Variants in MYH9 observed in about 807,000 individuals in gnomAD.
The protein encoded by MYH9 is myosin heavy chain 9, also known as myosin-9.
MYH9 carries 29 observed loss-of-function variants against 241.9 expected under a neutral mutation model. The observed-to-expected ratio is 0.12, with a 90% CI of 0.09 to 0.16. MYH9 has a LOEUF of 0.16. Among genes scored for constraint, MYH9 ranks in the 10% least tolerant of loss-of-function variants. The pLI is 1.00. For missense variants in MYH9, 1,803 were observed against 2,595.5 expected, an observed-to-expected ratio of 0.69 and a Z score of 6.63; for synonymous variants, 1,047 against 1,062.6, an observed-to-expected ratio of 0.99 and a Z score of 0.29.
rs1401995423 is a variant in MYH9, at chr22:36,300,555, G to A, written c.2839-291C>T. 1.3e-5 allele frequency among the ~76,000 whole-genome samples: 2 copies of A among 152,236 alleles called. No homozygotes were observed. Among genetic ancestry groups the A allele is most frequent in the African/African-American group, 4.8e-5 (2 of 41,464 alleles). On this transcript the variant is annotated intron_variant, in intron 22 of 40. Coordinates refer to ENST00000216181, the MANE Select transcript of MYH9 (RefSeq NM_002473.6). This position sits in a 1 kb window ranked among gnomAD's most constrained non-coding sequence, Gnocchi z 5.0. Reference sequence around the variant, plus strand: ...CAGCAAGCTCCCACCCATGAAACAGGCAGGACGCAGAGGTGCTGGCCCTGT... The same window carrying A: ...CAGCAAGCTCCCACCCATGAAACAGACAGGACGCAGAGGTGCTGGCCCTGT...
rs574839738 is a variant in MYH9, at chr22:36,309,503, T to A, written c.1729-107A>T. On this transcript the variant is annotated intron_variant, in intron 14 of 40. Transcript: ENST00000216181. ...CCATGCATGGAAAAGTCAGAAAACGTGAAGACCCTTTGATCCAGCATTTCC... is the reference window on the plus strand; with the variant it reads ...CCATGCATGGAAAAGTCAGAAAACGAGAAGACCCTTTGATCCAGCATTTCC... 2.8e-4 allele frequency: 228 copies of A among 802,316 alleles called. 2 individuals are homozygous for A. The African/African-American group carries it at 3.6e-3, about 13-fold the overall frequency. The allele number at this position is 802,316 out of a possible 1,614,324, so 49.7% of individuals were successfully genotyped here. A position where few individuals can be genotyped will look rare whatever the true frequency, so the allele number is the denominator to read the frequency against.
intron 3 of MYH9, among the ~76,000 whole-genome samples, chr22:36,336,045 CG>C (rs901509198): frequency 6.6e-6 from 1 of 152,148 alleles, no homozygotes; most frequent in African/African-American, 2.4e-5. Context: ...AACCAGGGAT[CG>C]GGTGGGAAGG....
chr22:36,345,765 A>G (rs1178924832), intron 2 of MYH9, among the ~76,000 whole-genome samples: 1 of 152,252 alleles, frequency 6.6e-6, no homozygotes, highest in Non-Finnish European at 1.5e-5. Context: ...CCCAAGTTCC[A>G]GCCTCAGCCT....
Position 36,282,403 on chromosome 22 carries a change from T to C in MYH9, c.*265A>G, listed in dbSNP as rs1255451426. ...GGCAAGAGAGGGCTGAGGAGCCTGC[T>C]GGTCGCTCTCTGCCTGGGCCCGGGC... On this transcript the variant is annotated 3_prime_UTR_variant, in exon 41 of 41. Coordinates refer to ENST00000216181, the MANE Select transcript of MYH9 (RefSeq NM_002473.6). 1 of 596,258 alleles carries C rather than the reference T, an allele frequency of 1.7e-6. No homozygotes were observed. The highest frequency in any genetic ancestry group is 2.8e-5 in the East Asian group (1 of 35,692). The allele number at this position is 596,258 out of a possible 1,614,324, so 36.9% of individuals were successfully genotyped here.
At chr22:36,287,598 C>T (rs1355218453) in intron 34 of MYH9, among the ~76,000 whole-genome samples, 3 of 152,112 alleles carry the variant, frequency 2.0e-5, no homozygotes, top group African/African-American at 4.8e-5. Flanking sequence ...AAAAATTAGC[C>T]GGGCGTGGCG....
chr22:36,304,148 G>T lies in MYH9; in HGVS notation c.2237C>A (p.Ala746Asp), dbSNP rs1472400866. ...GKQACVLMIK[A>D]LELDSNLYRI... ...GTACAGATTGCTGTCGAGCTCCAGG[G>T]CTTTTATCTAGGTGGGAGGAGCAGG... Residue 746 changes from alanine (A) to aspartate (D), a missense_variant, in exon 19 of 41, where the codon GCC (alanine) becomes GAC (aspartate). This residue lies in a region of MYH9 where 163 missense variants were observed against 349.7 expected (regional missense o/e 0.47). Transcript: ENST00000216181. 6.2e-7 allele frequency: 1 copy of T among 1,613,460 alleles called. No individual in the cohort carries two copies. The highest frequency in any genetic ancestry group is 1.7e-5 in the Admixed American group (1 of 60,024).
At chr22:36,375,955 C>CTTTTTTTTTTTTTTT (rs751350180) in intron 1 of MYH9, among the ~76,000 whole-genome samples, 2 of 89,094 alleles carry the variant, frequency 2.2e-5, no homozygotes, top group Non-Finnish European at 4.2e-5. Context: ...TCAATAATTT[C>CTTTTTTTTTTTTTTT]TTTTTTTTTT....
At chr22:36,348,837 A>AACCCCCCCCCCCCCCCCC in intron 2 of MYH9, 67 bp downstream of exon 2, 1 of 539,144 alleles carries the variant, frequency 1.9e-6, no homozygotes, top group Non-Finnish European at 2.9e-6. Context: ...TGATGGGAAG[A>AACCCCCCCCCCCCCCCCC]CCCGCCCCCC....
intron 13 of MYH9, among the ~76,000 whole-genome samples, chr22:36,312,972 C>T (rs1389221980): frequency 6.6e-6 from 1 of 151,840 alleles, no homozygotes; most frequent in Admixed American, 6.6e-5. Flanking sequence ...AGCCTGTAAT[C>T]CCAGCCACTC....
At chr22:36,289,061 C>T in intron 32 of MYH9, 24 bp downstream of exon 32, 1 of 1,614,038 alleles carries the variant, frequency 6.2e-7, no homozygotes, top group Non-Finnish European at 8.5e-7. Flanking sequence ...TTCCCAAGAC[C>T]TGGCTGCCAG....
chr22:36,374,802 C>T (rs895073057), intron 1 of MYH9, among the ~76,000 whole-genome samples: 14 of 152,316 alleles, frequency 9.2e-5, no homozygotes, highest in African/African-American at 1.7e-4. Flanking sequence ...GGAGAGGAAA[C>T]GTTTCACCAG....
chr22:36,352,399 A>G lies in MYH9; in HGVS notation c.-19-3144T>C, dbSNP rs116087854. The stretch of plus-strand genomic sequence containing the variant: ...GCAGCCCATCAGCAGTGGCAGAATG[A>G]GCTCTGACCGTCCTCAAACGCTGCT... On this transcript the variant is annotated intron_variant, in intron 1 of 40. Coordinates refer to ENST00000216181, the MANE Select transcript of MYH9 (RefSeq NM_002473.6). 6.1e-3 allele frequency among the ~76,000 whole-genome samples: 928 copies of G among 152,234 alleles called. 10 individuals are homozygous for G. Among genetic ancestry groups the G allele is most frequent in the African/African-American group, 0.022 (896 of 41,522 alleles).
At chr22:36,332,985 G>T (rs1276478031) in intron 3 of MYH9, among the ~76,000 whole-genome samples, 2 of 152,162 alleles carry the variant, frequency 1.3e-5, no homozygotes, top group African/African-American at 4.8e-5. Flanking sequence ...GTCCGGTTCC[G>T]CCTTGCTCCT....
chr22:36,303,940 C>T (rs963986266), intron 19 of MYH9, 55 bp downstream of exon 19: 1 of 1,604,794 alleles, frequency 6.2e-7, no homozygotes, highest in African/African-American at 1.3e-5. Context: ...CCTTTGGCAA[C>T]AGAAGGGCGT....
At chr22:36,348,380 G>A (rs948158039) in intron 2 of MYH9, among the ~76,000 whole-genome samples, 7 of 150,854 alleles carry the variant, frequency 4.6e-5, no homozygotes, top group Non-Finnish European at 7.4e-5. Flanking sequence ...ATTATGGCAG[G>A]TGCCTATAAT....
intron 13 of MYH9, 26 bp from the exon 14 acceptor site, chr22:36,312,248 G>A (rs1234193161): frequency 3.1e-6 from 5 of 1,613,124 alleles, no homozygotes; most frequent in Middle Eastern, 1.6e-4. Context: ...CATCAGCACA[G>A]GTGAGTGCAC....
intron 35 of MYH9, 154 bp from the exon 36 acceptor site, chr22:36,286,107 C>T: frequency 1.3e-6 from 1 of 755,610 alleles, no homozygotes; most frequent in Non-Finnish European, 2.3e-6. Flanking sequence ...AGGGCTGGTG[C>T]CCCCCTGAAG....
chr22:36,320,706 T>C lies in MYH9; in HGVS notation c.868+92A>G, dbSNP rs533781350. On this transcript the variant is annotated intron_variant, in intron 8 of 40. Coordinates refer to ENST00000216181, the MANE Select transcript of MYH9 (RefSeq NM_002473.6). This position sits in a 1 kb window ranked among gnomAD's most constrained non-coding sequence, Gnocchi z 4.8. ...TCCCCGTTAAACCCAAGGCCAAAAG[T>C]TTTCATTTCCCAAATGATGTCTACG... is the stretch of plus-strand genomic sequence containing the variant. 1 of 1,162,326 alleles carries C rather than the reference T, an allele frequency of 8.6e-7. No individual in the cohort carries two copies. Among genetic ancestry groups the C allele is most frequent in the East Asian group, 2.4e-5 (1 of 41,002 alleles). The allele number at this position is 1,162,326 out of a possible 1,614,324, so 72.0% of individuals were successfully genotyped here. A position where few individuals can be genotyped will look rare whatever the true frequency, so the allele number is the denominator to read the frequency against.
At position 36,297,032 on chromosome 22, in the gene MYH9, C is replaced by A; in HGVS notation, c.3101-18G>T. 6.2e-7 allele frequency: 1 copy of A among 1,612,900 alleles called. No individual in the cohort carries two copies. The highest frequency in any genetic ancestry group is 8.5e-7 in the Non-Finnish European group (1 of 1,179,886). On this transcript the variant is annotated intron_variant, in intron 24 of 40. Coordinates refer to ENST00000216181, the MANE Select transcript of MYH9 (RefSeq NM_002473.6). ...GAGGCGCTCTGCAATGCAGGGGGAGCCCACATAGCCCTCAGTGCCATGGGT... is the reference window on the plus strand; with the variant it reads ...GAGGCGCTCTGCAATGCAGGGGGAGACCACATAGCCCTCAGTGCCATGGGT...
Sources: allele counts gnomAD v4.1 joint callset (sites outside exome capture counted in the v4.1 genomes callset), GRCh38; gene constraint gnomAD v4.1.1; regional missense constraint gnomAD v4.1.1; non-coding constraint Gnocchi (gnomAD v3.1); transcripts MANE v1.5; gene names NCBI Gene and HGNC (gene_info 2026-07-23, HGNC 2026-07-21).